PPP2R2B: variants seen among roughly 807,000 people sequenced by gnomAD.
PPP2R2B encodes the protein protein phosphatase 2 regulatory subunit Bbeta.
Under a neutral mutation model 46.0 loss-of-function variants are expected in PPP2R2B, and 5 were observed. That is an observed-to-expected ratio of 0.11 (90% CI 0.06 to 0.23). The LOEUF is 0.23. Among genes scored for constraint, PPP2R2B ranks in the 10% least tolerant of loss-of-function variants. PPP2R2B has a pLI of 1.00. For synonymous variants in PPP2R2B, 215 were observed against 206.7 expected, an observed-to-expected ratio of 1.04 and a Z score of -0.34; for missense variants, 367 against 575.0, an observed-to-expected ratio of 0.64 and a Z score of 3.70.
intron 5 of PPP2R2B, among the ~76,000 whole-genome samples, chr5:146,658,153 G>A (rs1329467172): frequency 1.3e-5 from 2 of 152,160 alleles, no homozygotes; most frequent in African/African-American, 2.4e-5. Flanking sequence ...ACAAAGATGA[G>A]AGCGGAAGTC....
chr5:147,051,276 G>A (rs1485789945), intron 1 of PPP2R2B, among the ~76,000 whole-genome samples: 1 of 152,162 alleles, frequency 6.6e-6, no homozygotes, highest in Non-Finnish European at 1.5e-5. Flanking sequence ...TTGCGTCTGA[G>A]TCAGTTTCCT....
intron 1 of PPP2R2B, among the ~76,000 whole-genome samples, chr5:147,053,444 A>C (rs1292272027): frequency 1.3e-5 from 2 of 151,988 alleles, no homozygotes; most frequent in African/African-American, 4.8e-5. Flanking sequence ...ATATTCACAC[A>C]CTATTCATTC....
At chr5:147,058,502 C>T (rs926285412), upstream of PPP2R2B, among the ~76,000 whole-genome samples, 1 of 152,098 alleles carries the variant, frequency 6.6e-6, no homozygotes, top group Non-Finnish European at 1.5e-5. Flanking sequence ...CAAAACAGAA[C>T]AAACAAAATG....
At chr5:146,695,358 A>T (rs1581895149) in intron 4 of PPP2R2B, among the ~76,000 whole-genome samples, 1 of 152,054 alleles carries the variant, frequency 6.6e-6, no homozygotes, top group African/African-American at 2.4e-5. Context: ...ACTTCTCATT[A>T]TAGGTATTGA....
At chr5:146,866,895 C>A (rs1761345172) in intron 2 of PPP2R2B, among the ~76,000 whole-genome samples, 1 of 152,140 alleles carries the variant, frequency 6.6e-6, no homozygotes, top group Non-Finnish European at 1.5e-5. Context: ...GTAAAACAGG[C>A]CTACAACATC....
At chr5:146,755,794 G>A (rs561440268) in intron 2 of PPP2R2B, among the ~76,000 whole-genome samples, 1 of 152,240 alleles carries the variant, frequency 6.6e-6, no homozygotes, top group East Asian at 1.9e-4. Context: ...TTCGAGCCTG[G>A]GGGTCTGCAT....
rs1243702302 is a variant in PPP2R2B at position 146,650,230 on chromosome 5, T to C, written c.625+317A>G. On this transcript the variant is annotated intron_variant, in intron 6 of 9. Coordinates refer to ENST00000394411, the MANE Select transcript of PPP2R2B (RefSeq NM_181675.4). ...TGAATCCTTTAACAGAGAAAGAACC[T>C]GAACTCTAGGGTCTTATCCTATTGT... Among the ~76,000 whole-genome samples, 3 of 152,320 alleles carry C rather than the reference T, an allele frequency of 2.0e-5. No individual in the cohort carries two copies. In the East Asian group the frequency reaches 5.8e-4, roughly 29 times the overall value.
chr5:146,836,712 C>T (rs181869627), intron 2 of PPP2R2B, among the ~76,000 whole-genome samples: 294 of 152,236 alleles, frequency 1.9e-3, no homozygotes, highest in African/African-American at 6.9e-3. Flanking sequence ...CAAGTCATTG[C>T]CAAAGTTCAG....
chr5:146,992,395 G>T (rs1753733374), intron 1 of PPP2R2B, among the ~76,000 whole-genome samples: 1 of 152,182 alleles, frequency 6.6e-6, no homozygotes, highest in Non-Finnish European at 1.5e-5. Flanking sequence ...ACTTCCTTCT[G>T]GCTTCTGTAA....
chr5:146,803,792 C>T (rs886335650), intron 2 of PPP2R2B, among the ~76,000 whole-genome samples: 2 of 152,112 alleles, frequency 1.3e-5, no homozygotes, highest in African/African-American at 4.8e-5. Flanking sequence ...ATCTCTAGAC[C>T]TTGGTTTTTC....
At chr5:146,641,828 A>T (rs1775245692) in intron 6 of PPP2R2B, among the ~76,000 whole-genome samples, 1 of 152,172 alleles carries the variant, frequency 6.6e-6, no homozygotes. Context: ...TGAAAATGGA[A>T]TGATGCATTT....
chr5:146,863,911 C>G (rs1409874086), intron 2 of PPP2R2B, among the ~76,000 whole-genome samples: 1 of 152,130 alleles, frequency 6.6e-6, no homozygotes, highest in South Asian at 2.1e-4. Context: ...AGCCAATATA[C>G]TTTGAAAGTG....
chr5:146,741,429 TGC>T (rs1752870253), intron 2 of PPP2R2B, among the ~76,000 whole-genome samples: 2 of 152,176 alleles, frequency 1.3e-5, no homozygotes, highest in African/African-American at 2.4e-5. Flanking sequence ...GAACTGACAG[TGC>T]TGCATATTCA....
chr5:146,783,336 C>T (rs1327988275), intron 2 of PPP2R2B, among the ~76,000 whole-genome samples: 1 of 152,112 alleles, frequency 6.6e-6, no homozygotes, highest in East Asian at 1.9e-4. Context: ...GCATAAGTTA[C>T]AGTGTGGTAT....
intron 2 of PPP2R2B, among the ~76,000 whole-genome samples, chr5:146,705,670 T>C (rs1237150280): frequency 2.0e-5 from 3 of 152,188 alleles, no homozygotes; most frequent in African/African-American, 7.2e-5. Flanking sequence ...TAAGGTTTAC[T>C]TTACCAAAGT....
chr5:147,045,634 C>G (rs991243839), intron 1 of PPP2R2B, among the ~76,000 whole-genome samples: 1 of 151,988 alleles, frequency 6.6e-6, no homozygotes, highest in African/African-American at 2.4e-5. Flanking sequence ...CTTTTCATGC[C>G]GCAAATATGA....
At chr5:146,763,914 G>T (rs1260079271) in intron 2 of PPP2R2B, among the ~76,000 whole-genome samples, 1 of 152,022 alleles carries the variant, frequency 6.6e-6, no homozygotes, top group African/African-American at 2.4e-5. Flanking sequence ...TTTTTGTAGA[G>T]GGGGGTCTCA....
rs1447272482 is a variant in PPP2R2B at position 146,796,072 on chromosome 5, C to T, written c.70+81930G>A. On this transcript the variant is annotated intron_variant, in intron 2 of 9. Transcript: ENST00000394411. ...TCTGTTTCACCTCTTCCACTGTAGG[C>T]ATTCAGTGTGTTTTGCTGCTGACTC... Among the ~76,000 whole-genome samples the T allele has an allele frequency of 2.0e-5, 3 of 152,274 alleles. No individual in the cohort carries two copies. In the East Asian group the frequency reaches 5.8e-4, roughly 29 times the overall value.
chr5:146,958,471 C>T (rs1281494672), intron 1 of PPP2R2B, among the ~76,000 whole-genome samples: 1 of 152,176 alleles, frequency 6.6e-6, no homozygotes, highest in Admixed American at 6.6e-5. Flanking sequence ...TCTGTAACCT[C>T]TTATTACTTT....
Sources: allele counts gnomAD v4.1 joint callset (sites outside exome capture counted in the v4.1 genomes callset), GRCh38; gene constraint gnomAD v4.1.1; transcripts MANE v1.5; gene names NCBI Gene and HGNC (gene_info 2026-07-23, HGNC 2026-07-21).